Variants in NCKAP1 observed in about 807,000 individuals in gnomAD.
The protein encoded by NCKAP1 is nck-associated protein 1.
In NCKAP1, 21 loss-of-function variants were observed where a neutral mutation model predicts 151.2. The observed-to-expected ratio is 0.14, with a 90% confidence interval of 0.10 to 0.20. The LOEUF is 0.20. Among genes scored for constraint, NCKAP1 ranks in the 10% least tolerant of loss-of-function variants. NCKAP1 has a pLI of 1.00. For missense variants in NCKAP1, 933 were observed against 1,352.1 expected (o/e 0.69, Z 4.86); for synonymous variants, 484 against 451.8 (o/e 1.07, Z -0.90).
chr2:182,969,752 C>T (rs1417814192), intron 15 of NCKAP1, among the ~76,000 whole-genome samples: 1 of 151,710 alleles, frequency 6.6e-6, no homozygotes, highest in Non-Finnish European at 1.5e-5. Flanking sequence ...CAAGAATAAA[C>T]CAAATCCAAA....
intron 2 of NCKAP1, among the ~76,000 whole-genome samples, chr2:183,009,894 A>G (rs182474544): frequency 4.6e-5 from 7 of 152,354 alleles, no homozygotes; most frequent in Non-Finnish European, 1.0e-4. Context: ...ACAATGACAT[A>G]AAAGTAGCGT....
chr2:182,997,177 T>C (rs1364718351), intron 6 of NCKAP1, among the ~76,000 whole-genome samples: 5 of 152,200 alleles, frequency 3.3e-5, no homozygotes, highest in African/African-American at 4.8e-5. Context: ...CTGTCAACCT[T>C]ATTGGCAATC....
chr2:182,994,815 A>G (rs748841948), intron 8 of NCKAP1, 24 bp downstream of exon 8: 21 of 1,578,346 alleles, frequency 1.3e-5, no homozygotes, highest in Admixed American at 6.7e-5. Context: ...GGGAGTAATC[A>G]TAACACTAAC....
rs1696520581 is a variant in NCKAP1, at chr2:182,919,710, G to A, written c.*5992C>T. 6.6e-6 allele frequency: 1 copy of A among 150,782 alleles called. No individual in the cohort carries two copies. The highest frequency in any genetic ancestry group is 2.4e-5 in the African/African-American group (1 of 40,922). The allele number at this position is 150,782 out of a possible 1,614,324, so 9.3% of individuals were successfully genotyped here. On this transcript the variant is annotated 3_prime_UTR_variant, in exon 31 of 31. Transcript: ENST00000361354. ...TCTGTTGCCCAGGCTGGAGTGCAGT[G>A]GCATGATCTCGGCTCACTGCAATCT...
intron 18 of NCKAP1, among the ~76,000 whole-genome samples, chr2:182,960,071 G>T (rs909210690): frequency 1.3e-5 from 2 of 152,284 alleles, no homozygotes; most frequent in African/African-American, 4.8e-5. Context: ...ACTGCTCAAT[G>T]AAATAAAAGA....
intron 2 of NCKAP1, among the ~76,000 whole-genome samples, chr2:183,014,692 A>G (rs1698651692): frequency 6.6e-6 from 1 of 152,180 alleles, no homozygotes; most frequent in African/African-American, 2.4e-5. Context: ...TTACTGTGTT[A>G]TTTTCAATCT....
Position 182,989,163 on chromosome 2 carries a change from T to A in NCKAP1, c.814A>T (p.Ile272Phe). The change falls in exon 9 of 31, where the codon ATC (isoleucine) becomes TTC (phenylalanine). Residue 272 changes from isoleucine to phenylalanine, a missense_variant. Transcript: ENST00000361354. The part of the protein sequence containing the change: ...IIFGFILCHG[I>F]LNTDATALNL... ...AGTGCTGTAGCGTCAGTATTTAGGA[T>A]CCCATGGCACAAAATAAAGCCAACT... 1 of 1,602,300 alleles carries A rather than the reference T, an allele frequency of 6.2e-7. No individual in the cohort carries two copies.
At chr2:183,017,306 T>C (rs1470315960) in intron 2 of NCKAP1, among the ~76,000 whole-genome samples, 1 of 152,178 alleles carries the variant, frequency 6.6e-6, no homozygotes, top group Non-Finnish European at 1.5e-5. Context: ...TGTAATGAAA[T>C]AATTACACAA....
chr2:182,958,786 A>G (rs764489066), intron 18 of NCKAP1, among the ~76,000 whole-genome samples: 2 of 152,222 alleles, frequency 1.3e-5, no homozygotes, highest in African/African-American at 2.4e-5. Context: ...AAGCAGGCAA[A>G]TGAGAAATAA....
intron 8 of NCKAP1, among the ~76,000 whole-genome samples, chr2:182,989,606 G>A (rs1259741791): frequency 6.6e-6 from 1 of 152,196 alleles, no homozygotes; most frequent in Non-Finnish European, 1.5e-5. Flanking sequence ...CAGCACTGCG[G>A]GAGGTTGAAG....
At chr2:182,990,804 C>T (rs1447993292) in intron 8 of NCKAP1, among the ~76,000 whole-genome samples, 1 of 152,186 alleles carries the variant, frequency 6.6e-6, no homozygotes, top group African/African-American at 2.4e-5. Context: ...TTAGCTCAAG[C>T]TTCCTTCTTG....
intron 1 of NCKAP1, among the ~76,000 whole-genome samples, chr2:183,025,298 A>G (rs1298503669): frequency 6.6e-6 from 1 of 152,204 alleles, no homozygotes; most frequent in Admixed American, 6.5e-5. Context: ...TAAAGACTAC[A>G]TGCAGCTATA....
intron 9 of NCKAP1, 148 bp from the exon 10 acceptor site, chr2:182,986,375 C>G: frequency 1.6e-6 from 1 of 627,540 alleles, no homozygotes; most frequent in Non-Finnish European, 2.8e-6. Context: ...AATCTACCCA[C>G]ACTTTTTCCT....
chr2:182,996,718 A>G (rs1698277484), intron 6 of NCKAP1, among the ~76,000 whole-genome samples: 1 of 152,102 alleles, frequency 6.6e-6, no homozygotes, highest in Non-Finnish European at 1.5e-5. Flanking sequence ...GGCCTCCCAA[A>G]GTGTTGGGAT....
rs1463300051 is a variant in NCKAP1 at position 182,972,348 on chromosome 2, GA to G, written c.1482+4544del. On this transcript the variant is annotated intron_variant, in intron 15 of 30. Coordinates refer to ENST00000361354, the MANE Select transcript of NCKAP1 (RefSeq NM_013436.5). ...TATTTTTAAACTGCTCCCCATCAGA[GA>G]AATGCAAATTAAAACCACAATGAGA... is the stretch of plus-strand genomic sequence containing the variant. Among the ~76,000 whole-genome samples, 3 of 151,520 alleles carry G rather than the reference GA, an allele frequency of 2.0e-5. No individual in the cohort carries two copies. The East Asian group carries it at 5.8e-4, about 29-fold the overall frequency.
At chr2:183,012,169 C>T (rs1350720761) in intron 2 of NCKAP1, among the ~76,000 whole-genome samples, 6 of 152,234 alleles carry the variant, frequency 3.9e-5, no homozygotes, top group African/African-American at 1.2e-4. Context: ...AAGGTTTTCA[C>T]CAACTGGCAA....
rs1415803510 is a variant in NCKAP1, at chr2:182,928,236, T to C, written c.3071-10A>G. On this transcript the variant is annotated splice_polypyrimidine_tract_variant and intron_variant, in intron 28 of 30. Coordinates refer to ENST00000361354, the MANE Select transcript of NCKAP1 (RefSeq NM_013436.5). ...ATGTTGTTGCAATGCCCTGAGAAAATGCAAATAGGGTTGTGTAGACCCCAA... is the reference window on the plus strand; with the variant it reads ...ATGTTGTTGCAATGCCCTGAGAAAACGCAAATAGGGTTGTGTAGACCCCAA... 3 of 1,591,498 alleles carry C rather than the reference T, an allele frequency of 1.9e-6. No individual in the cohort carries two copies. Among genetic ancestry groups the C allele is most frequent in the Non-Finnish European group, 8.6e-7 (1 of 1,163,256 alleles).
At chr2:182,974,881 A>G (rs1559089133) in intron 15 of NCKAP1, among the ~76,000 whole-genome samples, 1 of 152,120 alleles carries the variant, frequency 6.6e-6, no homozygotes, top group Non-Finnish European at 1.5e-5. Context: ...AAAACTTTAA[A>G]AATCTACACA....
intron 23 of NCKAP1, among the ~76,000 whole-genome samples, chr2:182,950,863 C>G (rs777461339): frequency 3.3e-5 from 5 of 152,000 alleles, no homozygotes; most frequent in African/African-American, 7.2e-5. Context: ...GACAGAGTCT[C>G]ACTCTGTCAT....
Sources: allele counts gnomAD v4.1 joint callset (sites outside exome capture counted in the v4.1 genomes callset), GRCh38; gene constraint gnomAD v4.1.1; transcripts MANE v1.5; gene names NCBI Gene and HGNC (gene_info 2026-07-23, HGNC 2026-07-21).